The following RNF213 variants were observed in gnomAD, a reference collection of about 807,000 sequenced individuals.
The protein encoded by RNF213 is E3 ubiquitin-protein ligase RNF213.
A neutral mutation model predicts 514.4 loss-of-function variants in RNF213; 341 were observed. The ratio of observed to expected loss-of-function variants is 0.66; its 90% CI spans 0.61 to 0.73. RNF213 has a LOEUF of 0.73. Among genes scored for constraint, RNF213 ranks in the 30% least tolerant of loss-of-function variants. RNF213 has a pLI of 0.00. For synonymous variants in RNF213, 2,655 were observed against 2,658.2 expected (o/e 1.00, Z 0.04); for missense variants, 5,767 against 6,615.6 (o/e 0.87, Z 4.45).
chr17:80,372,186 A>G (rs1036901459), intron 47 of RNF213, among the ~76,000 whole-genome samples: 4 of 152,240 alleles, frequency 2.6e-5, no homozygotes, highest in African/African-American at 9.6e-5. Context: ...ACAAAACAGA[A>G]CAGCCTAGGA....
intron 29 of RNF213, 50 bp from the exon 30 acceptor site, chr17:80,349,720 C>T (rs963696603): frequency 6.2e-7 from 1 of 1,606,074 alleles, no homozygotes; most frequent in Admixed American, 1.7e-5. Context: ...AGCAGACTTG[C>T]AACCTTTCCT....
intron 35 of RNF213, 33 bp from the exon 36 acceptor site, chr17:80,354,408 C>T (rs1043013438): frequency 6.2e-7 from 1 of 1,614,098 alleles, no homozygotes; most frequent in South Asian, 1.1e-5. Context: ...TCAGCCACGG[C>T]CATGCTGAAC....
In RNF213 at chr17:80,347,533, G is replaced by A. The variant is rs147557959; in HGVS notation, c.9198G>A (p.Pro3066=). Residue 3066 remains proline (P), a synonymous_variant, in exon 29 of 68, where the codon CCG becomes CCA. Coordinates refer to ENST00000582970, the MANE Select transcript of RNF213 (RefSeq NM_001256071.3). This position sits in a 1 kb window ranked among gnomAD's most constrained non-coding sequence, Gnocchi z 7.2. ...QQTFFEGDQQ[P]EIIFGSGFPK... ...CATTCTTCGAGGGGGACCAGCAGCC[G>A]GAGATTATTTTTGGTTCTGGTTTCC... The A allele has an allele frequency of 4.3e-5, 69 of 1,614,100 alleles. No homozygotes were observed. In the African/African-American group the frequency reaches 5.2e-4, roughly 12 times the overall value.
intron 40 of RNF213, 47 bp from the exon 41 acceptor site, chr17:80,363,561 CG>C (rs2079134305): frequency 6.2e-7 from 1 of 1,602,338 alleles, no homozygotes; most frequent in Non-Finnish European, 8.5e-7. Flanking sequence ...TCTGGTGGGC[CG>C]GTGGGAGGGG....
At chr17:80,384,569 A>C (rs79367959) in intron 59 of RNF213, among the ~76,000 whole-genome samples, 9,236 of 152,208 alleles carry the variant, frequency 0.061, 358 homozygotes, top group East Asian at 0.17. Context: ...ATGAGTTCAC[A>C]ATGACAGGAA....
chr17:80,265,326 C>T (rs1203071219), intron 2 of RNF213, among the ~76,000 whole-genome samples: 2 of 152,156 alleles, frequency 1.3e-5, no homozygotes, highest in Non-Finnish European at 2.9e-5. Context: ...GGATTATAGG[C>T]GTGAGCCACC....
In RNF213 at chr17:80,358,432, C is replaced by T. The variant is rs2078914155; in HGVS notation, c.11007C>T (p.Phe3669=). ...PWARDLWMFI[F]SDTMLLNIPL... ...CAAGAGATCTTTGGATGTTTATTTT[C>T]AGTGACACGATGCTTCTGAACATTC... The change falls in exon 37 of 68, where the codon TTC becomes TTT. Residue 3669 remains phenylalanine, a synonymous_variant. Transcript: ENST00000582970. The T allele has an allele frequency of 3.7e-6, 6 of 1,614,060 alleles. No homozygotes were observed. Among genetic ancestry groups the T allele is most frequent in the Middle Eastern group, 3.3e-4 (2 of 6,084 alleles).
intron 20 of RNF213, among the ~76,000 whole-genome samples, chr17:80,330,098 A>G (rs1182228335): frequency 6.6e-6 from 1 of 152,116 alleles, no homozygotes; most frequent in East Asian, 1.9e-4. Flanking sequence ...TTTTCATGTC[A>G]GCTTTCGTAT....
intron 38 of RNF213, among the ~76,000 whole-genome samples, chr17:80,360,960 CA>C (rs2144363885): frequency 6.6e-6 from 1 of 152,168 alleles, no homozygotes; most frequent in East Asian, 1.9e-4. Flanking sequence ...TCTATGACAG[CA>C]TGCGAATTAG....
intron 13 of RNF213, 130 bp from the exon 14 acceptor site, chr17:80,308,887 TA>T: frequency 9.1e-7 from 1 of 1,100,700 alleles, no homozygotes; most frequent in Non-Finnish European, 1.4e-6. Context: ...TTCCAGACGT[TA>T]ACCTAGATAA....
At chr17:80,316,675 A>C in intron 15 of RNF213, 1 of 232,804 alleles carries the variant, frequency 4.3e-6, no homozygotes, top group Non-Finnish European at 8.6e-6. Flanking sequence ...GGGTCTTAGG[A>C]GACCCTGCCC....
chr17:80,274,534 A>C (rs1320566843), intron 3 of RNF213, among the ~76,000 whole-genome samples: 1 of 106,444 alleles, frequency 9.4e-6, no homozygotes, highest in Non-Finnish European at 1.9e-5. Context: ...TGTAGGTGGC[A>C]CTCCATGGTT....
At chr17:80,323,978 C>T (rs952249212) in intron 17 of RNF213, among the ~76,000 whole-genome samples, 27 of 149,584 alleles carry the variant, frequency 1.8e-4, no homozygotes, top group Admixed American at 5.3e-4. Context: ...ATTGTGTGTG[C>T]GTGTGTGTGT....
intron 36 of RNF213, among the ~76,000 whole-genome samples, chr17:80,357,714 G>A (rs1599116884): frequency 6.6e-6 from 1 of 152,346 alleles, no homozygotes; most frequent in East Asian, 1.9e-4. Flanking sequence ...GCTCACACCT[G>A]TAATCCCAAT....
At chr17:80,278,149 G>A (rs1326430171) in intron 3 of RNF213, among the ~76,000 whole-genome samples, 1 of 152,222 alleles carries the variant, frequency 6.6e-6, no homozygotes, top group Admixed American at 6.5e-5. Context: ...GGTCATTTGG[G>A]TTGGAGGCAT....
chr17:80,373,175 G>C lies in RNF213; in HGVS notation c.12942+10G>C. ...CGTTGTCAAGCAGCAGGTGAGAAGC[G>C]GGGCCGGGCAGCACACAAACATGCA... On this transcript the variant is annotated intron_variant, in intron 49 of 67. Transcript: ENST00000582970. 1 of 1,604,744 alleles carries C rather than the reference G, an allele frequency of 6.2e-7. No individual in the cohort carries two copies. The highest frequency in any genetic ancestry group is 8.5e-7 in the Non-Finnish European group (1 of 1,179,684).
At chr17:80,373,199 C>T (rs750934746) in intron 49 of RNF213, 34 bp downstream of exon 49, 10 of 1,589,848 alleles carry the variant, frequency 6.3e-6, no homozygotes, top group East Asian at 2.2e-5. Flanking sequence ...CACAAACATG[C>T]ACCCCCACAG....
In RNF213 at chr17:80,349,716, C is replaced by T. The variant is rs1648004773; in HGVS notation, c.9952-54C>T. Reference sequence around the variant, plus strand: ...GGATCTGTCTAAACCTGGCAGCAGACTTGCAACCTTTCCTTGAAGTCTGGC... The same window carrying T: ...GGATCTGTCTAAACCTGGCAGCAGATTTGCAACCTTTCCTTGAAGTCTGGC... On this transcript the variant is annotated intron_variant, in intron 29 of 67. Transcript: ENST00000582970. 2.5e-6 allele frequency: 4 copies of T among 1,601,252 alleles called. No homozygotes were observed. In the South Asian group the frequency reaches 4.4e-5, roughly 18 times the overall value.
rs769125059 is a variant in RNF213 at position 80,348,271 on chromosome 17, C to T, written c.9936C>T (p.His3312=). 65 of 1,613,026 alleles carry T rather than the reference C, an allele frequency of 4.0e-5. No homozygotes were observed. Among genetic ancestry groups the T allele is most frequent in the Admixed American group, 3.7e-4 (22 of 60,010 alleles). ...TGCACACGGCAGACCTGGAGCGCCA[C>T]GCCATCTTCACAGAGGTGATTGTCT... is the stretch of plus-strand genomic sequence containing the variant. ...AHLHTADLER[H]AIFTEITTFS... Residue 3312 remains histidine (H), a synonymous_variant, in exon 29 of 68, where the codon CAC becomes CAT. Coordinates refer to ENST00000582970, the MANE Select transcript of RNF213 (RefSeq NM_001256071.3).
Sources: gnomAD v4.1 joint callset for allele counts (sites outside exome capture counted in the v4.1 genomes callset) on GRCh38, gnomAD v4.1.1 for gene constraint, Gnocchi (gnomAD v3.1) non-coding constraint, MANE v1.5 for transcripts, NCBI Gene and HGNC (gene_info 2026-07-23, HGNC 2026-07-21) for gene names.